BRI3: variants seen among roughly 807,000 people sequenced by gnomAD.
BRI3 encodes brain protein I3.
Under a neutral mutation model 12.8 loss-of-function variants are expected in BRI3, and 6 were observed. The observed-to-expected ratio is 0.47, with a 90% confidence interval of 0.26 to 0.93. The LOEUF (loss-of-function observed/expected upper bound fraction) is 0.93. BRI3 is among the 40% of genes least tolerant of loss of function. The pLI is 0.15. For synonymous variants in BRI3, 91 were observed against 76.1 expected, an observed-to-expected ratio of 1.20 and a Z score of -1.02; for missense variants, 134 against 171.1, an observed-to-expected ratio of 0.78 and a Z score of 1.21.
exon 2 of BRI3, chr7:98,308,179 G>T: frequency 1.7e-6 from 1 of 581,716 alleles, no homozygotes; most frequent in Non-Finnish European, 3.2e-6. Context: ...GGTGTGTGCC[G>T]GGTTGATCTG....
At chr7:98,287,210 A>C (rs1352871212) in intron 2 of BRI3, among the ~76,000 whole-genome samples, 2 of 152,156 alleles carry the variant, frequency 1.3e-5, no homozygotes, top group Non-Finnish European at 2.9e-5. Context: ...CTCCCCAGAG[A>C]CCCGGGGGCC....
intron 1 of BRI3, chr7:98,307,181 C>T (rs1197569627): frequency 9.4e-5 from 16 of 171,122 alleles, no homozygotes; most frequent in South Asian, 8.6e-4. Context: ...GGCGAGATCT[C>T]GGCTCACTGC....
At chr7:98,282,213 C>T in intron 1 of BRI3, 138 bp from the exon 2 acceptor site, 3 of 860,514 alleles carry the variant, frequency 3.5e-6, no homozygotes, top group Non-Finnish European at 5.3e-6. Flanking sequence ...CGAATCAGGC[C>T]CGCGGTGGCC....
At chr7:98,307,356 T>A in intron 1 of BRI3, 4 of 1,124,428 alleles carry the variant, frequency 3.6e-6, no homozygotes, top group Non-Finnish European at 4.4e-6. Context: ...TCTGCCCGCC[T>A]TAGCCTCCCA....
upstream of BRI3, among the ~76,000 whole-genome samples, chr7:98,305,594 A>T (rs576288948): frequency 6.6e-6 from 1 of 151,808 alleles, no homozygotes; most frequent in East Asian, 1.9e-4. Flanking sequence ...CTAATTGTTT[A>T]TTTTTTTTGT....
intron 1 of BRI3, among the ~76,000 whole-genome samples, chr7:98,301,456 T>G (rs1243433364): frequency 1.4e-5 from 2 of 146,340 alleles, no homozygotes; most frequent in Non-Finnish European, 3.0e-5. Context: ...CCTGAAAGCC[T>G]TCTAGCTTTT....
downstream of BRI3, among the ~76,000 whole-genome samples, chr7:98,310,764 G>A (rs1800840502): frequency 2.6e-5 from 4 of 151,996 alleles, no homozygotes; most frequent in Non-Finnish European, 5.9e-5. Flanking sequence ...TCAGCTCACT[G>A]CAACCTCCGC....
chr7:98,289,500 G>A (rs1371857021), intron 2 of BRI3, among the ~76,000 whole-genome samples: 3 of 152,352 alleles, frequency 2.0e-5, no homozygotes, highest in South Asian at 2.1e-4. Context: ...CCCTTAGCAA[G>A]GCACAGGTAG....
At chr7:98,320,358 G>A in the BRI3 span, 1 of 1,348,492 alleles carries the variant, frequency 7.4e-7, no homozygotes, top group Non-Finnish European at 1.0e-6. Flanking sequence ...GTTTTGAAAT[G>A]GAGTTTTTGC....
At chr7:98,293,476 G>T, downstream of BRI3, 2 of 1,568,354 alleles carry the variant, frequency 1.3e-6, no homozygotes, top group East Asian at 2.2e-5. Context: ...CCATCATTCC[G>T]CAAGGGAGAA....
At position 98,291,084 on chromosome 7, in the gene BRI3, CACCCTCTCTG is replaced by C; in HGVS notation, c.246-26_246-17del. On this transcript the variant is annotated splice_polypyrimidine_tract_variant and intron_variant, in intron 2 of 2. Transcript: ENST00000297290. ...CTGGCTGCCCGGGTCCTTACGGTGC[CACCCTCTCTG>C]CCCGTCTCTGCTGCAGGGTTGGGGT... 6.2e-7 allele frequency: 1 copy of C among 1,613,694 alleles called. No individual in the cohort carries two copies. The highest frequency in any genetic ancestry group is 8.5e-7 in the Non-Finnish European group (1 of 1,179,760).
upstream of BRI3, among the ~76,000 whole-genome samples, chr7:98,303,922 A>T (rs919455995): frequency 1.3e-5 from 2 of 152,230 alleles, no homozygotes; most frequent in African/African-American, 4.8e-5. Flanking sequence ...AAACCTAATA[A>T]AATCTAGCAA....
At chr7:98,300,437 G>A (rs1402348252) in intron 1 of BRI3, among the ~76,000 whole-genome samples, 2 of 152,178 alleles carry the variant, frequency 1.3e-5, no homozygotes, top group African/African-American at 2.4e-5. Flanking sequence ...GTCCCTCCCC[G>A]CAATGCTTTT....
downstream of BRI3, chr7:98,291,595 C>A (rs1242013731): frequency 9.9e-7 from 1 of 1,010,232 alleles, no homozygotes; most frequent in South Asian, 2.6e-5. Flanking sequence ...CCCATCGCTC[C>A]CCCGGCCAGT....
At chr7:98,308,630 C>A in exon 2 of BRI3, 1 of 222,572 alleles carries the variant, frequency 4.5e-6, no homozygotes, top group Non-Finnish European at 9.2e-6. Context: ...CAAACACAGG[C>A]TGATATTTCC....
intron 1 of BRI3, 88 bp from the exon 2 acceptor site, chr7:98,282,263 G>A: frequency 8.6e-7 from 1 of 1,167,272 alleles, no homozygotes; most frequent in South Asian, 1.4e-5. Context: ...TTTTAGCGGG[G>A]TGGAGGTTGA....
At chr7:98,322,933 G>A in the BRI3 span, 1 of 152,222 alleles carries the variant, frequency 6.6e-6, no homozygotes, top group Admixed American at 6.6e-5. Flanking sequence ...GACAAGGTGG[G>A]GTCAGAGGCT....
At chr7:98,305,260 T>C (rs959332355), upstream of BRI3, among the ~76,000 whole-genome samples, 17 of 151,558 alleles carry the variant, frequency 1.1e-4, no homozygotes, top group African/African-American at 3.2e-4. Flanking sequence ...TCTTGATTGA[T>C]TTAATCTAAG....
At chr7:98,293,532 T>C, downstream of BRI3, 3 of 1,613,448 alleles carry the variant, frequency 1.9e-6, no homozygotes, top group Non-Finnish European at 2.5e-6. Flanking sequence ...CATCGAATGA[T>C]GGGTGCCGAG....
Sources: gnomAD v4.1 joint callset for allele counts (sites outside exome capture counted in the v4.1 genomes callset) on GRCh38, gnomAD v4.1.1 for gene constraint, MANE v1.5 for transcripts, NCBI Gene and HGNC (gene_info 2026-07-23, HGNC 2026-07-21) for gene names.